DAPK2: variants seen among roughly 807,000 people sequenced by gnomAD.
The protein encoded by DAPK2 is death-associated protein kinase 2.
DAPK2 carries 35 observed loss-of-function variants against 44.1 expected under a neutral mutation model. That is an observed-to-expected ratio of 0.79 (90% CI 0.61 to 1.05). The LOEUF (loss-of-function observed/expected upper bound fraction) is 1.05. DAPK2 is among the 50% of genes least tolerant of loss of function. The pLI is 0.00. For missense variants in DAPK2, 453 were observed against 483.2 expected, an observed-to-expected ratio of 0.94 and a Z score of 0.59; for synonymous variants, 174 against 182.6, an observed-to-expected ratio of 0.95 and a Z score of 0.38.
chr15:63,992,535 A>C (rs2140916177), intron 1 of DAPK2, among the ~76,000 whole-genome samples: 1 of 152,360 alleles, frequency 6.6e-6, no homozygotes, highest in Middle Eastern at 3.4e-3. Flanking sequence ...ATGAAAAGGA[A>C]ATATAGCCTG....
chr15:64,017,568 C>T lies in DAPK2; in HGVS notation c.92+22602G>A, dbSNP rs376979326. ...TAACAGGTGCAAACCTCCCTGCTTTCGCTGGTCTGGAGTCAGAAAGCCTTG... is the reference window on the plus strand; with the variant it reads ...TAACAGGTGCAAACCTCCCTGCTTTTGCTGGTCTGGAGTCAGAAAGCCTTG... On this transcript the variant is annotated intron_variant, in intron 1 of 10. Coordinates refer to ENST00000261891, the Ensembl canonical transcript of DAPK2. Among the ~76,000 whole-genome samples the T allele has an allele frequency of 1.8e-4, 28 of 152,346 alleles. No homozygotes were observed. The East Asian group carries it at 3.1e-3, about 17-fold the overall frequency.
At chr15:63,983,722 T>C in exon 2 of DAPK2, 3 of 1,612,754 alleles carry the variant, frequency 1.9e-6, no homozygotes, top group Non-Finnish European at 2.5e-6. Flanking sequence ...CGTGCTCTTC[T>C]CCCGGCACTT....
At chr15:63,993,610 C>A (rs2078873539) in intron 1 of DAPK2, among the ~76,000 whole-genome samples, 1 of 152,018 alleles carries the variant, frequency 6.6e-6, no homozygotes, top group African/African-American at 2.4e-5. Context: ...TTCACCATGA[C>A]TTGAAAATGC....
At chr15:63,992,033 T>A (rs4776703) in intron 1 of DAPK2, among the ~76,000 whole-genome samples, 1 of 152,102 alleles carries the variant, frequency 6.6e-6, no homozygotes, top group Non-Finnish European at 1.5e-5. Context: ...TGTTGCGGGG[T>A]ACAGGGAGTC....
At chr15:63,974,111 C>T (rs1299041793) in intron 2 of DAPK2, among the ~76,000 whole-genome samples, 1 of 152,076 alleles carries the variant, frequency 6.6e-6, no homozygotes, top group Non-Finnish European at 1.5e-5. Flanking sequence ...ATTCTTGCTT[C>T]CTATAGTTGA....
At chr15:63,918,454 C>A (rs1383619614) in intron 8 of DAPK2, 2 of 152,340 alleles carry the variant, frequency 1.3e-5, no homozygotes, top group Non-Finnish European at 2.9e-5. Context: ...TGCCAGCTTC[C>A]TTGAGAATTG....
intron 1 of DAPK2, among the ~76,000 whole-genome samples, chr15:64,002,919 T>C (rs990519247): frequency 7.6e-4 from 8 of 10,464 alleles, no homozygotes; most frequent in African/African-American, 2.5e-3. Context: ...TGAGACACTG[T>C]GTGTGTGTGT....
At position 63,912,378 on chromosome 15, in the gene DAPK2, G is replaced by T. The variant is rs1958390397; in HGVS notation, c.859-181C>A. 6.6e-6 allele frequency among the ~76,000 whole-genome samples: 1 copy of T among 152,242 alleles called. No individual in the cohort carries two copies. Among genetic ancestry groups the T allele is most frequent in the South Asian group, 2.1e-4 (1 of 4,834 alleles). On this transcript the variant is annotated intron_variant, in intron 8 of 10. Transcript: ENST00000261891. This position sits in a 1 kb window ranked among gnomAD's most constrained non-coding sequence, Gnocchi z 4.4. ...CAGGGCAACAGCTACACATGTCTCA[G>T]CTGTTCAGGAGTTGCCTCTCAGCTA... is the stretch of plus-strand genomic sequence containing the variant.
At chr15:63,975,652 G>T (rs1229065443) in intron 2 of DAPK2, among the ~76,000 whole-genome samples, 1 of 151,206 alleles carries the variant, frequency 6.6e-6, no homozygotes, top group African/African-American at 2.4e-5. Flanking sequence ...AGGCTGGAGT[G>T]CAGTGATGCG....
chr15:63,951,901 A>T (rs1344768800), intron 3 of DAPK2, among the ~76,000 whole-genome samples: 1 of 152,194 alleles, frequency 6.6e-6, no homozygotes, highest in Non-Finnish European at 1.5e-5. Flanking sequence ...TGTGTTGGGC[A>T]CTAGGTAGCA....
At chr15:63,919,312 A>C (rs902446497) in intron 8 of DAPK2, 1 of 152,254 alleles carries the variant, frequency 6.6e-6, no homozygotes, top group African/African-American at 2.4e-5. Context: ...TGTCACTGCT[A>C]TAAGGAAAAC....
rs143801514 is a variant in DAPK2, at chr15:64,038,587, G to C, written c.92+1583C>G. ...TGCTCCCCCACCCACCATCCAGTCAGCCAGGACTAACTCCCTGATCTTGAA... is the reference window on the plus strand; with the variant it reads ...TGCTCCCCCACCCACCATCCAGTCACCCAGGACTAACTCCCTGATCTTGAA... On this transcript the variant is annotated intron_variant, in intron 1 of 10. Transcript: ENST00000261891. 6.7e-3 allele frequency among the ~76,000 whole-genome samples: 1,015 copies of C among 152,184 alleles called. 7 individuals are homozygous for C. The highest frequency in any genetic ancestry group is 0.017 in the Middle Eastern group (5 of 292).
chr15:63,986,006 C>T (rs1055894715), intron 1 of DAPK2, among the ~76,000 whole-genome samples: 2 of 152,248 alleles, frequency 1.3e-5, no homozygotes, highest in Non-Finnish European at 2.9e-5. Flanking sequence ...TGGGTGACTA[C>T]GATGGCGCCA....
In DAPK2 at chr15:63,990,233, G is replaced by A. The variant is rs2078780658; in HGVS notation, c.93-6479C>T. Among the ~76,000 whole-genome samples the A allele has an allele frequency of 7.9e-6, 1 of 126,308 alleles. No individual in the cohort carries two copies. The highest frequency in any genetic ancestry group is 2.4e-4 in the South Asian group (1 of 4,110). 82.9% of individuals were successfully genotyped at this position (126,308 alleles called of 152,430 possible). A position where few individuals can be genotyped will look rare whatever the true frequency, so the allele number is the denominator to read the frequency against. ...ACCTGAGGTCAAGAGTTTGAGACCA[G>A]CCTGGGCCAACAGGACAAAACCCCA... is the stretch of plus-strand genomic sequence containing the variant. On this transcript the variant is annotated intron_variant, in intron 1 of 10. Coordinates refer to ENST00000261891, the Ensembl canonical transcript of DAPK2. This position sits in a 1 kb window ranked among gnomAD's most constrained non-coding sequence, Gnocchi z 4.3.
intron 1 of DAPK2, among the ~76,000 whole-genome samples, chr15:64,005,123 C>A (rs543230715): frequency 4.6e-5 from 7 of 152,010 alleles, no homozygotes; most frequent in African/African-American, 7.3e-5. Context: ...CTTCAGGGTG[C>A]AAGATTGTGG....
chr15:63,908,556 T>A lies in DAPK2; in HGVS notation c.1077A>T (p.Lys359Asn). Reference sequence around the variant, plus strand: ...TGCTCCTCCTCCGTGGGTGGAGGGCTTTCCTCCTGGCGATGTCCTCCTCAG... The same window carrying A: ...TGCTCCTCCTCCGTGGGTGGAGGGCATTCCTCCTGGCGATGTCCTCCTCAG... The change falls in exon 11 of 11, where the codon AAA becomes AAT. Residue 359 changes from lysine (K) to asparagine (N), a missense_variant. Transcript: ENST00000261891. The surrounding 1 kb of genome is among the most constrained non-coding windows in gnomAD (Gnocchi z 5.7). 6.2e-7 allele frequency: 1 copy of A among 1,602,496 alleles called. No homozygotes were observed. Among genetic ancestry groups the A allele is most frequent in the Non-Finnish European group, 8.5e-7 (1 of 1,175,748 alleles).
chr15:63,981,875 A>C (rs1473587684), intron 2 of DAPK2, among the ~76,000 whole-genome samples: 2 of 152,150 alleles, frequency 1.3e-5, no homozygotes, highest in Non-Finnish European at 2.9e-5. Flanking sequence ...GAGCACAGGC[A>C]ATTCTATACA....
intron 1 of DAPK2, among the ~76,000 whole-genome samples, chr15:64,032,220 T>C: frequency 6.6e-6 from 1 of 152,138 alleles, no homozygotes; most frequent in East Asian, 1.9e-4. Context: ...AGAGACGTGG[T>C]CCAGAATAAG....
intron 3 of DAPK2, among the ~76,000 whole-genome samples, chr15:63,956,636 G>A (rs2077732067): frequency 6.6e-6 from 1 of 151,646 alleles, no homozygotes; most frequent in Admixed American, 6.6e-5. Flanking sequence ...GCCCAGGCTG[G>A]AGTGCAGTGG....
Sources: allele counts gnomAD v4.1 joint callset (sites outside exome capture counted in the v4.1 genomes callset), GRCh38; gene constraint gnomAD v4.1.1; non-coding constraint Gnocchi (gnomAD v3.1); transcripts MANE v1.5; gene names NCBI Gene and HGNC (gene_info 2026-07-23, HGNC 2026-07-21).